The following INPP4B variants were observed in gnomAD, a reference collection of about 807,000 sequenced individuals.
INPP4B encodes inositol polyphosphate 4-phosphatase type II.
A neutral mutation model predicts 122.5 loss-of-function variants in INPP4B; 55 were observed. The observed-to-expected ratio is 0.45, with a 90% confidence interval of 0.36 to 0.56. The LOEUF is 0.56. Ranked by LOEUF, INPP4B falls within the 20% of genes least tolerant of loss-of-function variation. INPP4B has a pLI of 0.00. For synonymous variants in INPP4B, 403 were observed against 388.7 expected (o/e 1.04, Z -0.43); for missense variants, 1,000 against 1,097.7 (o/e 0.91, Z 1.26).
At chr4:142,685,406 G>C (rs945496541) in intron 2 of INPP4B, among the ~76,000 whole-genome samples, 20 of 152,168 alleles carry the variant, frequency 1.3e-4, no homozygotes, top group Middle Eastern at 3.4e-3. Context: ...GGTGAAAAAA[G>C]TATTGTATAA....
intron 1 of INPP4B, among the ~76,000 whole-genome samples, chr4:142,738,396 G>A (rs1424038724): frequency 6.6e-6 from 1 of 152,058 alleles, no homozygotes; most frequent in African/African-American, 2.4e-5. Flanking sequence ...ACTCATAGGT[G>A]GGAATTGAAC....
chr4:142,803,506 GA>G (rs923400567), intron 1 of INPP4B, among the ~76,000 whole-genome samples: 3 of 151,324 alleles, frequency 2.0e-5, no homozygotes, highest in Non-Finnish European at 2.9e-5. Context: ...TAAAAGAGGG[GA>G]AAAAACTATC....
rs556056776 is a variant in INPP4B at position 142,624,634 on chromosome 4, C to A, written c.-191+101205G>T. ...AATCCTCCTAACTCATTTTATGAGG[C>A]CAGCATCATCCTGATACCAAAGCCA... On this transcript the variant is annotated intron_variant, in intron 2 of 25. Coordinates refer to ENST00000262992, the MANE Select transcript of INPP4B (RefSeq NM_001101669.3). Among the ~76,000 whole-genome samples the A allele has an allele frequency of 2.2e-4, 34 of 152,160 alleles. No homozygotes were observed. In the South Asian group the frequency reaches 3.9e-3, roughly 18 times the overall value.
intron 25 of INPP4B, among the ~76,000 whole-genome samples, chr4:142,073,495 AG>A: frequency 6.6e-6 from 1 of 152,246 alleles, no homozygotes; most frequent in East Asian, 1.9e-4. Flanking sequence ...CCAATATTCA[AG>A]TTAGAAGAAG....
chr4:142,397,823 G>T (rs1215832552), intron 7 of INPP4B, among the ~76,000 whole-genome samples: 1 of 151,978 alleles, frequency 6.6e-6, no homozygotes, highest in Non-Finnish European at 1.5e-5. Flanking sequence ...TGGTGACAGA[G>T]CGAGGCTCCG....
chr4:142,254,012 A>G (rs1341986559), intron 11 of INPP4B, among the ~76,000 whole-genome samples: 1 of 143,560 alleles, frequency 7.0e-6, no homozygotes, highest in South Asian at 2.3e-4. Context: ...AGATCTGAGA[A>G]CGGGCAGACT....
At chr4:142,695,621 G>C (rs1760919654) in intron 2 of INPP4B, among the ~76,000 whole-genome samples, 2 of 152,068 alleles carry the variant, frequency 1.3e-5, no homozygotes, top group South Asian at 4.1e-4. Context: ...AGAAAAATAA[G>C]ATGTTCCATC....
Position 142,429,224 on chromosome 4 carries a change from A to G in INPP4B, c.92-7T>C. 2 of 1,516,270 alleles carry G rather than the reference A, an allele frequency of 1.3e-6. No homozygotes were observed. Among genetic ancestry groups the G allele is most frequent in the Non-Finnish European group, 1.8e-6 (2 of 1,101,148 alleles). 93.9% of individuals were successfully genotyped at this position (1,516,270 alleles called of 1,614,324 possible). A position where few individuals can be genotyped will look rare whatever the true frequency, so the allele number is the denominator to read the frequency against. Reference sequence around the variant, plus strand: ...TTTGGAGTCTTCTGGATACCTATAAATAATAGGAGCAAATTCAGATTTTTA... The same window carrying G: ...TTTGGAGTCTTCTGGATACCTATAAGTAATAGGAGCAAATTCAGATTTTTA... On this transcript the variant is annotated splice_region_variant and splice_polypyrimidine_tract_variant and intron_variant, in intron 4 of 25. Coordinates refer to ENST00000262992, the MANE Select transcript of INPP4B (RefSeq NM_001101669.3).
intron 9 of INPP4B, among the ~76,000 whole-genome samples, chr4:142,301,957 T>C (rs886445223): frequency 1.3e-5 from 2 of 152,186 alleles, no homozygotes; most frequent in Non-Finnish European, 2.9e-5. Flanking sequence ...AACTTTTATA[T>C]TATTTTATAT....
At chr4:142,188,514 A>T (rs1395599891) in intron 15 of INPP4B, among the ~76,000 whole-genome samples, 26,081 of 106,158 alleles carry the variant, frequency 0.25, 6,700 homozygotes, top group African/African-American at 0.38. Context: ...AAAAAAAGAA[A>T]AAAAATATAT....
intron 9 of INPP4B, among the ~76,000 whole-genome samples, chr4:142,281,320 C>T (rs972384960): frequency 2.0e-5 from 3 of 149,164 alleles, no homozygotes; most frequent in Non-Finnish European, 4.4e-5. Flanking sequence ...TGAAAACAGT[C>T]TGGATAGATA....
At chr4:142,845,436 T>C (rs1784065651) in intron 1 of INPP4B, among the ~76,000 whole-genome samples, 1 of 152,092 alleles carries the variant, frequency 6.6e-6, no homozygotes, top group Non-Finnish European at 1.5e-5. Flanking sequence ...GCCTGCAGCA[T>C]AGTTCTCAGA....
intron 2 of INPP4B, among the ~76,000 whole-genome samples, chr4:142,545,756 C>T (rs1257139206): frequency 2.7e-5 from 2 of 74,750 alleles, no homozygotes; most frequent in African/African-American, 7.8e-5. Context: ...TATATATACA[C>T]ATGTATATGT....
At chr4:142,422,194 C>T (rs1472164561) in intron 5 of INPP4B, among the ~76,000 whole-genome samples, 1 of 151,952 alleles carries the variant, frequency 6.6e-6, no homozygotes, top group East Asian at 1.9e-4. Context: ...ACATAGAAAT[C>T]AGGGATGATA....
intron 25 of INPP4B, among the ~76,000 whole-genome samples, chr4:142,032,979 G>A (rs543534270): frequency 2.0e-5 from 3 of 150,516 alleles, no homozygotes; most frequent in Non-Finnish European, 3.0e-5. Flanking sequence ...TTTAATGCAT[G>A]GTAAAGAAAA....
At chr4:142,752,734 A>G (rs1291709392) in intron 1 of INPP4B, among the ~76,000 whole-genome samples, 1 of 152,070 alleles carries the variant, frequency 6.6e-6, no homozygotes. Flanking sequence ...TAGCGGCCTG[A>G]CAGCTGAGAC....
intron 2 of INPP4B, among the ~76,000 whole-genome samples, chr4:142,503,043 G>T (rs1453484351): frequency 6.6e-6 from 1 of 152,060 alleles, no homozygotes; most frequent in Non-Finnish European, 1.5e-5. Flanking sequence ...GACAAGCCTG[G>T]CAACAATAGA....
intron 9 of INPP4B, among the ~76,000 whole-genome samples, chr4:142,286,042 T>C (rs1753499546): frequency 6.6e-6 from 1 of 152,202 alleles, no homozygotes; most frequent in Admixed American, 6.5e-5. Context: ...GCAGTCTATA[T>C]AGAACAATAA....
chr4:142,265,310 T>C (rs1414365300), intron 10 of INPP4B, among the ~76,000 whole-genome samples: 1 of 152,240 alleles, frequency 6.6e-6, no homozygotes, highest in Non-Finnish European at 1.5e-5. Flanking sequence ...AGAAGTTTCA[T>C]TCCTTTGTCC....
Sources: gnomAD v4.1 joint callset for allele counts (sites outside exome capture counted in the v4.1 genomes callset) on GRCh38, gnomAD v4.1.1 for gene constraint, MANE v1.5 for transcripts, NCBI Gene and HGNC (gene_info 2026-07-23, HGNC 2026-07-21) for gene names.